Variants in NOL9 observed in about 807,000 individuals in gnomAD.
The protein encoded by NOL9 is polynucleotide 5'-hydroxyl-kinase NOL9.
NOL9 carries 28 observed loss-of-function variants against 67.9 expected under a neutral mutation model. The observed-to-expected ratio is 0.41, with a 90% CI of 0.31 to 0.57. The LOEUF is 0.57. Ranked by LOEUF, NOL9 falls within the 20% of genes least tolerant of loss-of-function variation. The pLI is 0.25. For synonymous variants in NOL9, 356 were observed against 352.2 expected (o/e 1.01, Z -0.12); for missense variants, 777 against 897.0 (o/e 0.87, Z 1.71).
At chr1:6,531,918 C>A (rs1283816874) in intron 9 of NOL9, 50 bp downstream of exon 9, 1 of 1,462,652 alleles carries the variant, frequency 6.8e-7, no homozygotes, top group Non-Finnish European at 9.6e-7. Flanking sequence ...CAGAAAACCA[C>A]ACAAGTGTGT....
chr1:6,527,305 G>C (rs922923965), intron 10 of NOL9, among the ~76,000 whole-genome samples: 3 of 151,130 alleles, frequency 2.0e-5, no homozygotes, highest in Non-Finnish European at 4.4e-5. Flanking sequence ...GGGGCAGTTC[G>C]TACCTTCCCT....
At chr1:6,528,277 T>C (rs1638935715) in intron 10 of NOL9, among the ~76,000 whole-genome samples, 1 of 152,120 alleles carries the variant, frequency 6.6e-6, no homozygotes, top group Non-Finnish European at 1.5e-5. Flanking sequence ...TGTGGCACAA[T>C]TGCGCCTGGG....
intron 1 of NOL9, among the ~76,000 whole-genome samples, chr1:6,552,445 T>A (rs1003499733): frequency 2.6e-5 from 4 of 152,120 alleles, no homozygotes; most frequent in Admixed American, 6.5e-5. Context: ...TTAAATTTTT[T>A]AATTTTATTT....
At chr1:6,540,124 C>CTGTTT (rs1639247687) in intron 6 of NOL9, among the ~76,000 whole-genome samples, 1 of 104,382 alleles carries the variant, frequency 9.6e-6, no homozygotes, top group African/African-American at 3.9e-5. Context: ...GAGAGTTATT[C>CTGTTT]TTTTTTTTTT....
intron 5 of NOL9, among the ~76,000 whole-genome samples, chr1:6,542,247 A>C (rs1404335578): frequency 1.4e-5 from 2 of 147,938 alleles, no homozygotes; most frequent in African/African-American, 2.5e-5. Context: ...TGCAAGCTCC[A>C]CCTCCTGGGT....
chr1:6,532,515 T>G lies in NOL9; in HGVS notation c.1483A>C (p.Lys495Gln). The change falls in exon 8 of 12, where the codon AAA becomes CAA. Residue 495 changes from lysine (K) to glutamine (Q), a missense_variant. Physicochemically the swap from Lys to Gln is moderately conservative, Grantham distance 53. Coordinates refer to ENST00000377705, the MANE Select transcript of NOL9 (RefSeq NM_024654.5). ...AAGTCTGTATAAACACCTATCAGTT[T>G]ATGTCCAGTGAACTCAACTGGACTC... ...KESPVEFTGHKLIGVYTDFAF... is the reference protein window; with the variant it reads ...KESPVEFTGHQLIGVYTDFAF... 1 of 1,614,232 alleles carries G rather than the reference T, an allele frequency of 6.2e-7. No homozygotes were observed. Among genetic ancestry groups the G allele is most frequent in the Non-Finnish European group, 8.5e-7 (1 of 1,180,018 alleles).
At chr1:6,539,443 C>T (rs1377683023) in intron 6 of NOL9, among the ~76,000 whole-genome samples, 1 of 151,746 alleles carries the variant, frequency 6.6e-6, no homozygotes, top group Non-Finnish European at 1.5e-5. Flanking sequence ...ATGTGATATA[C>T]ACATACAATT....
chr1:6,532,792 C>T (rs778637259), intron 7 of NOL9, 32 bp from the exon 8 acceptor site: 9 of 1,570,332 alleles, frequency 5.7e-6, no homozygotes, highest in Non-Finnish European at 6.9e-6. Flanking sequence ...ACAGCTGATA[C>T]ACTCAAGAAC....
chr1:6,528,299 C>T (rs1386295664), intron 10 of NOL9, among the ~76,000 whole-genome samples: 3 of 152,150 alleles, frequency 2.0e-5, no homozygotes, highest in African/African-American at 7.2e-5. Flanking sequence ...TCAGGTCATT[C>T]CTGGCTGTAG....
At chr1:6,530,564 T>C (rs1465928476) in intron 9 of NOL9, among the ~76,000 whole-genome samples, 1 of 152,096 alleles carries the variant, frequency 6.6e-6, no homozygotes, top group African/African-American at 2.4e-5. Context: ...AAATGACCCA[T>C]AAACTAAAAC....
intron 6 of NOL9, among the ~76,000 whole-genome samples, chr1:6,534,360 C>T (rs1639101754): frequency 6.6e-6 from 1 of 152,190 alleles, no homozygotes; most frequent in African/African-American, 2.4e-5. Flanking sequence ...TGACATATCT[C>T]CTCTGGCCAG....
At position 6,554,298 on chromosome 1, in the gene NOL9, C is replaced by G; in HGVS notation, c.205G>C (p.Val69Leu). ...CTCCGGGCCGCCGCCGCGCGCGACA[C>G]CTGGCGGGCTCCCTCCCTCCAGTCC... ...GVDWREGARQVSRAAAARRPN... is the reference protein window; with the variant it reads ...GVDWREGARQLSRAAAARRPN... Residue 69 changes from valine to leucine, a missense_variant, in exon 1 of 12, where the codon GTG (valine) becomes CTG (leucine). This residue lies in a region of NOL9 where 364 missense variants were observed against 344.4 expected (regional missense o/e 1.06). Transcript: ENST00000377705. The G allele has an allele frequency of 1.4e-6, 2 of 1,477,022 alleles. No individual in the cohort carries two copies. Among genetic ancestry groups the G allele is most frequent in the Non-Finnish European group, 1.8e-6 (2 of 1,116,656 alleles). 91.5% of individuals were successfully genotyped at this position (1,477,022 alleles called of 1,614,324 possible).
chr1:6,541,977 C>T lies in NOL9; in HGVS notation c.978-50G>A, dbSNP rs372795169. The stretch of plus-strand genomic sequence containing the variant: ...AGAAAGAAAATCCTAACTAGCTTTA[C>T]TCAGTAGAAAGGATAATCACACAGT... On this transcript the variant is annotated intron_variant, in intron 5 of 11. Coordinates refer to ENST00000377705, the MANE Select transcript of NOL9 (RefSeq NM_024654.5). 22 of 1,218,356 alleles carry T rather than the reference C, an allele frequency of 1.8e-5. No individual in the cohort carries two copies. In the African/African-American group the frequency reaches 2.0e-4, roughly 11 times the overall value. The allele number at this position is 1,218,356 out of a possible 1,614,324, so 75.5% of individuals were successfully genotyped here.
Position 6,532,568 on chromosome 1 carries a change from G to T in NOL9, c.1430C>A (p.Ala477Asp), listed in dbSNP as rs778063428. 1.9e-6 allele frequency: 3 copies of T among 1,614,040 alleles called. No individual in the cohort carries two copies. Among genetic ancestry groups the T allele is most frequent in the Non-Finnish European group, 2.5e-6 (3 of 1,180,042 alleles). Residue 477 changes from alanine to aspartate, a missense_variant, in exon 8 of 12, where the codon GCT becomes GAT. Ala to Asp is a moderately radical substitution (Grantham distance 126). Transcript: ENST00000377705. ...RRFRLAAFAD[A>D]LEFADEEKES... ...TTTTTCTTCATCAGCAAATTCCAAA[G>T]CATCTGCAAATGCTGCGAGTCTGAA...
intron 6 of NOL9, among the ~76,000 whole-genome samples, chr1:6,541,447 G>A (rs1639289505): frequency 6.6e-6 from 1 of 152,304 alleles, no homozygotes; most frequent in South Asian, 2.1e-4. Context: ...CTCCCCAAGT[G>A]CTGGGATTAC....
chr1:6,554,167 G>C lies in NOL9; in HGVS notation c.336C>G (p.Leu112=). The C allele has an allele frequency of 5.2e-6, 8 of 1,529,138 alleles. No individual in the cohort carries two copies. Among genetic ancestry groups the C allele is most frequent in the Non-Finnish European group, 5.3e-6 (6 of 1,137,634 alleles). The allele number at this position is 1,529,138 out of a possible 1,614,324, so 94.7% of individuals were successfully genotyped here. ...ESASSCHRPL[L]IPPVRPVGPG... is the part of the protein sequence containing the mutation. ...GGCCCACGGGCCGCACCGGTGGGAT[G>C]AGGAGAGGCCGGTGGCAACTCGAGG... is the stretch of plus-strand genomic sequence containing the variant. The change falls in exon 1 of 12, where the codon CTC becomes CTG. Residue 112 remains leucine (L), a synonymous_variant. Coordinates refer to ENST00000377705, the MANE Select transcript of NOL9 (RefSeq NM_024654.5).
rs1234024428 is a variant in NOL9 at position 6,532,011 on chromosome 1, A to G, written c.1604T>C (p.Met535Thr). 4.3e-6 allele frequency: 7 copies of G among 1,614,166 alleles called. No individual in the cohort carries two copies. The highest frequency in any genetic ancestry group is 5.9e-6 in the Non-Finnish European group (7 of 1,180,004). Residue 535 changes from methionine to threonine, a missense_variant, in exon 9 of 12, where the codon ATG becomes ACG. Physicochemically the swap from Met to Thr is moderately conservative, Grantham distance 81 (BLOSUM62 -1). Around this residue, in one of 2 missense-constraint regions of NOL9, gnomAD observed 413 missense variants for 552.6 expected, o/e 0.75. Transcript: ENST00000377705. ...LSYLSQLQPPMPKPLSPLHSL... is the reference protein window; with the variant it reads ...LSYLSQLQPPTPKPLSPLHSL... ...ATGTAAAGGAGAAAGTGGTTTGGGC[A>G]TCGGGGGCTGCAGCTGGCTAAGGTA...
At position 6,533,340 on chromosome 1, in the gene NOL9, C is replaced by T; in HGVS notation, c.1177G>A (p.Val393Met). 1 of 1,613,330 alleles carries T rather than the reference C, an allele frequency of 6.2e-7. No individual in the cohort carries two copies. Among genetic ancestry groups the T allele is most frequent in the Non-Finnish European group, 8.5e-7 (1 of 1,179,576 alleles). The change falls in exon 7 of 12, where the codon GTG becomes ATG. Residue 393 changes from valine (V) to methionine (M), a missense_variant. Physicochemically the swap from Val to Met is conservative, Grantham distance 21. Around this residue, in one of 2 missense-constraint regions of NOL9, gnomAD observed 413 missense variants for 552.6 expected, o/e 0.75. Transcript: ENST00000377705. ...GACTCTCTCTTGTAAGCGCTGAACA[C>T]ATATTTCACTATGTCAATATAATTC... The part of the protein sequence containing the change: ...YENYIDIVKY[V>M]FSAYKRESPL...
chr1:6,544,910 C>A lies in NOL9; in HGVS notation c.893G>T (p.Gly298Val). 1 of 1,614,196 alleles carries A rather than the reference C, an allele frequency of 6.2e-7. No individual in the cohort carries two copies. The highest frequency in any genetic ancestry group is 8.5e-7 in the Non-Finnish European group (1 of 1,180,034). Residue 298 changes from glycine to valine, a missense_variant, in exon 5 of 12, where the codon GGC becomes GTC. Physicochemically the swap from Gly to Val is moderately radical, Grantham distance 109. Coordinates refer to ENST00000377705, the MANE Select transcript of NOL9 (RefSeq NM_024654.5). ...TCCACAAACTAGAATGACAGGGCAG[C>A]CATCTACTTCTTCTGAATGGGAAAC... Reference protein sequence around the residue: ...LVNVSCEEVDGCPVILVCGSQ... With the variant: ...LVNVSCEEVDVCPVILVCGSQ...
Sources: gnomAD v4.1 joint callset for allele counts (sites outside exome capture counted in the v4.1 genomes callset) on GRCh38, gnomAD v4.1.1 for gene constraint, gnomAD v4.1.1 regional missense constraint, MANE v1.5 for transcripts, NCBI Gene and HGNC (gene_info 2026-07-23, HGNC 2026-07-21) for gene names.